GLI3: variants seen among roughly 807,000 people sequenced by gnomAD.
GLI3 encodes the protein GLI family zinc finger 3.
A neutral mutation model predicts 100.8 loss-of-function variants in GLI3; 20 were observed. That is an observed-to-expected ratio of 0.20 (90% CI 0.14 to 0.29). The LOEUF is 0.29. GLI3 is among the 10% of genes least tolerant of loss of function. The pLI is 1.00. For missense variants in GLI3, 2,040 were observed against 2,128.5 expected (o/e 0.96, Z 0.82); for synonymous variants, 938 against 860.5 (o/e 1.09, Z -1.58).
chr7:42,161,033 T>C (rs1385807339), intron 2 of GLI3, among the ~76,000 whole-genome samples: 1 of 152,220 alleles, frequency 6.6e-6, no homozygotes, highest in Non-Finnish European at 1.5e-5. Context: ...TCTACTTGGT[T>C]TTCTACAGTG....
chr7:42,082,717 A>T (rs910310494), intron 3 of GLI3, among the ~76,000 whole-genome samples: 1 of 152,176 alleles, frequency 6.6e-6, no homozygotes, highest in Non-Finnish European at 1.5e-5. Flanking sequence ...AGTTTAAAGA[A>T]GCTGTGGTTC....
At chr7:42,143,755 T>C (rs893286519) in intron 3 of GLI3, among the ~76,000 whole-genome samples, 4 of 152,146 alleles carry the variant, frequency 2.6e-5, no homozygotes, top group Non-Finnish European at 5.9e-5. Context: ...AGAATACCAG[T>C]GGTATGTTTT....
intron 3 of GLI3, among the ~76,000 whole-genome samples, chr7:42,097,222 T>A (rs1318222092): frequency 1.3e-5 from 2 of 152,110 alleles, no homozygotes; most frequent in Non-Finnish European, 2.9e-5. Context: ...CTGGAGAAAA[T>A]GTTTGATCAA....
intron 1 of GLI3, among the ~76,000 whole-genome samples, chr7:42,262,225 T>TTCCTTCCTTCCTGCCTTCC (rs1789151410): frequency 8.4e-6 from 1 of 118,698 alleles, no homozygotes; most frequent in African/African-American, 3.4e-5. Context: ...TCCTTCCTTC[T>TTCCTTCCTTCCTGCCTTCC]TTCCTTCCTT....
At position 41,972,052 on chromosome 7, in the gene GLI3, G is replaced by A. The variant is rs1014488859; in HGVS notation, c.2103+285C>T. ...CAGGAAGAGTCAATGAATGATTTTC[G>A]ACATTACAGACACGCTGGAGAGACA... is the stretch of plus-strand genomic sequence containing the variant. On this transcript the variant is annotated intron_variant, in intron 13 of 14. Transcript: ENST00000395925. The surrounding 1 kb of genome is among the most constrained non-coding windows in gnomAD (Gnocchi z 4.4). Among the ~76,000 whole-genome samples the A allele has an allele frequency of 1.3e-4, 20 of 152,298 alleles. No homozygotes were observed. The highest frequency in any genetic ancestry group is 4.6e-4 in the African/African-American group (19 of 41,564).
intron 10 of GLI3, among the ~76,000 whole-genome samples, chr7:42,016,241 C>A (rs967033695): frequency 1.3e-5 from 2 of 152,080 alleles, no homozygotes; most frequent in Non-Finnish European, 2.9e-5. Flanking sequence ...ATGGAATCTC[C>A]GCACTGCAGA....
upstream of GLI3, among the ~76,000 whole-genome samples, chr7:42,238,040 C>T (rs1253028203): frequency 2.0e-5 from 3 of 149,072 alleles, no homozygotes; most frequent in Non-Finnish European, 4.5e-5. Flanking sequence ...TCCTCCTCCT[C>T]CTCCTCCGCC....
intron 10 of GLI3, among the ~76,000 whole-genome samples, chr7:42,003,316 T>C (rs1788361517): frequency 6.6e-6 from 1 of 152,008 alleles, no homozygotes; most frequent in African/African-American, 2.4e-5. Flanking sequence ...CTAGAAATTA[T>C]GGAGGGAAAA....
intron 2 of GLI3, among the ~76,000 whole-genome samples, chr7:42,202,039 G>C (rs1035918002): frequency 2.6e-4 from 35 of 134,514 alleles, no homozygotes; most frequent in Non-Finnish European, 4.7e-4. Flanking sequence ...CCAAGATCAC[G>C]CCACTGCACT....
intron 1 of GLI3, among the ~76,000 whole-genome samples, chr7:42,228,272 T>C (rs1788624196): frequency 6.6e-6 from 1 of 152,006 alleles, no homozygotes; most frequent in South Asian, 2.1e-4. Context: ...TCTGGGTGTC[T>C]GGGGGCAGAA....
chr7:42,210,340 C>CG (rs1788243758), intron 2 of GLI3, among the ~76,000 whole-genome samples: 2 of 9,714 alleles, frequency 2.1e-4, no homozygotes, highest in African/African-American at 4.2e-4. Flanking sequence ...AAATGAAAGC[C>CG]CCCCCCCCCC....
intron 10 of GLI3, among the ~76,000 whole-genome samples, chr7:42,019,160 T>A (rs1191856154): frequency 6.6e-6 from 1 of 152,192 alleles, no homozygotes; most frequent in African/African-American, 2.4e-5. Context: ...TATTATTCTT[T>A]CGATCTCAGC....
chr7:42,086,616 G>T (rs908763400), intron 3 of GLI3, among the ~76,000 whole-genome samples: 3 of 151,962 alleles, frequency 2.0e-5, no homozygotes, highest in African/African-American at 7.3e-5. Flanking sequence ...CATGGCTTAT[G>T]GTGTCCCCTC....
chr7:41,993,742 C>G (rs1788049456), intron 10 of GLI3, among the ~76,000 whole-genome samples: 1 of 152,136 alleles, frequency 6.6e-6, no homozygotes, highest in Non-Finnish European at 1.5e-5. Context: ...GGTCCCAGGC[C>G]TCAATATACT....
chr7:42,021,176 T>A (rs558644982), intron 10 of GLI3, among the ~76,000 whole-genome samples: 27 of 152,342 alleles, frequency 1.8e-4, no homozygotes, highest in African/African-American at 6.0e-4. Flanking sequence ...TAAACTAGTA[T>A]TCTTATTTAT....
At chr7:42,068,071 C>T (rs1322353976) in intron 4 of GLI3, among the ~76,000 whole-genome samples, 2 of 152,242 alleles carry the variant, frequency 1.3e-5, no homozygotes, top group Non-Finnish European at 2.9e-5. Flanking sequence ...CACTCACATG[C>T]TCTAAGGCAG....
At chr7:42,260,954 G>T (rs1176748255) in intron 1 of GLI3, among the ~76,000 whole-genome samples, 1 of 152,168 alleles carries the variant, frequency 6.6e-6, no homozygotes, top group Non-Finnish European at 1.5e-5. Context: ...TACAAGGTGT[G>T]CAGCATGGCT....
upstream of GLI3, among the ~76,000 whole-genome samples, chr7:42,241,681 C>T (rs145224622): frequency 8.1e-4 from 124 of 152,284 alleles, 1 homozygote; most frequent in African/African-American, 2.9e-3. Flanking sequence ...ATAAATGTAA[C>T]CCAGATGTCT....
At position 42,148,461 on chromosome 7, in the gene GLI3, T is replaced by G; in HGVS notation, c.132A>C (p.Glu44Asp). 6.2e-7 allele frequency: 1 copy of G among 1,613,792 alleles called. No individual in the cohort carries two copies. The highest frequency in any genetic ancestry group is 8.5e-7 in the Non-Finnish European group (1 of 1,179,656). ...CTCTGTGATAAGTCTGTCCAGGACT[T>G]TCATCCTCTAAAGAAAGAAGAAAAA... is the stretch of plus-strand genomic sequence containing the variant. ...VASSTTSNED[E>D]SPGQTYHRER... The change falls in exon 3 of 15, where the codon GAA (glutamate) becomes GAC (aspartate). Residue 44 changes from glutamate (E) to aspartate (D), a missense_variant. Physicochemically the swap from Glu to Asp is conservative, Grantham distance 45. Coordinates refer to ENST00000395925, the MANE Select transcript of GLI3 (RefSeq NM_000168.6).
Sources: gnomAD v4.1 joint callset for allele counts (sites outside exome capture counted in the v4.1 genomes callset) on GRCh38, gnomAD v4.1.1 for gene constraint, Gnocchi (gnomAD v3.1) non-coding constraint, MANE v1.5 for transcripts, NCBI Gene and HGNC (gene_info 2026-07-23, HGNC 2026-07-21) for gene names.